Variants in MCM2 observed in about 807,000 individuals in gnomAD.
The protein encoded by MCM2 is DNA replication licensing factor MCM2.
MCM2 carries 49 observed loss-of-function variants against 86.4 expected under a neutral mutation model. That is an observed-to-expected ratio of 0.57 (90% CI 0.45 to 0.72). MCM2 has a LOEUF of 0.72. MCM2 is among the 30% of genes least tolerant of loss of function. The pLI is 0.00. For synonymous variants in MCM2, 475 were observed against 484.6 expected (o/e 0.98, Z 0.26); for missense variants, 1,038 against 1,259.9 (o/e 0.82, Z 2.67).
rs751398280 is a variant in MCM2 at position 127,621,110 on chromosome 3, A to G, written c.2486A>G (p.Asn829Ser). The change falls in exon 15 of 16, where the codon AAT becomes AGT. Residue 829 changes from asparagine to serine, a missense_variant. By Grantham distance (46) the Asn-to-Ser change is conservative. Coordinates refer to ENST00000265056, the MANE Select transcript of MCM2 (RefSeq NM_004526.4). ...ARYLSFRRDN[N>S]ELLLFILKQL... Reference sequence around the variant, plus strand: ...TACCTTTCATTCCGGCGTGACAACAATGAGCTGTTGCTCTTCATACTGAAG... The same window carrying G: ...TACCTTTCATTCCGGCGTGACAACAGTGAGCTGTTGCTCTTCATACTGAAG... 2 of 1,614,164 alleles carry G rather than the reference A, an allele frequency of 1.2e-6. No homozygotes were observed. Among genetic ancestry groups the G allele is most frequent in the Non-Finnish European group, 8.5e-7 (1 of 1,180,006 alleles).
At position 127,605,105 on chromosome 3, in the gene MCM2, G is replaced by A. The variant is rs201424836; in HGVS notation, c.622G>A (p.Asp208Asn). 34 of 1,614,024 alleles carry A rather than the reference G, an allele frequency of 2.1e-5. No homozygotes were observed. The East Asian group carries it at 5.8e-4, about 28-fold the overall frequency. ...CAAGAACTTCCTGCGCACTCACGTC[G>A]ACAGCCACGGCCACAACGTCTTCAA... ...RFKNFLRTHVDSHGHNVFKER... is the reference protein window; with the variant it reads ...RFKNFLRTHVNSHGHNVFKER... The change falls in exon 4 of 16, where the codon GAC becomes AAC. Residue 208 changes from aspartate (D) to asparagine (N), a missense_variant. Physicochemically the swap from Asp to Asn is conservative, Grantham distance 23. This residue lies in a region of MCM2 where 399 missense variants were observed against 507.2 expected (regional missense o/e 0.79). Coordinates refer to ENST00000265056, the MANE Select transcript of MCM2 (RefSeq NM_004526.4).
chr3:127,617,984 C>G lies in MCM2; in HGVS notation c.1916C>G (p.Pro639Arg). The change falls in exon 12 of 16, where the codon CCC becomes CGC. Residue 639 changes from proline (P) to arginine (R), a missense_variant. By Grantham distance (103) the Pro-to-Arg change is moderately radical (BLOSUM62 -2). Coordinates refer to ENST00000265056, the MANE Select transcript of MCM2 (RefSeq NM_004526.4). This position sits in a 1 kb window ranked among gnomAD's most constrained non-coding sequence, Gnocchi z 4.1. ...AANPIGGRYD[P>R]SLTFSENVDL... is the part of the protein sequence containing the mutation. ...TGTGTTTCAGGAGGGCGCTACGACCCCTCGCTGACTTTCTCTGAGAACGTG... is the reference window on the plus strand; with the variant it reads ...TGTGTTTCAGGAGGGCGCTACGACCGCTCGCTGACTTTCTCTGAGAACGTG... 6.2e-7 allele frequency: 1 copy of G among 1,613,906 alleles called. No homozygotes were observed. The highest frequency in any genetic ancestry group is 8.5e-7 in the Non-Finnish European group (1 of 1,179,930).
At chr3:127,621,315 A>C in intron 15 of MCM2, 87 bp downstream of exon 15, 2 of 1,527,398 alleles carry the variant, frequency 1.3e-6, no homozygotes, top group Non-Finnish European at 8.9e-7. Flanking sequence ...ATAATGGGTC[A>C]TGAAGTGGGT....
chr3:127,615,474 T>G (rs2074426055), intron 8 of MCM2, among the ~76,000 whole-genome samples: 1 of 152,192 alleles, frequency 6.6e-6, no homozygotes, highest in South Asian at 2.1e-4. Flanking sequence ...GTACCCACCC[T>G]TCTGTGAGTT....
rs772529526 is a variant in MCM2 at position 127,606,953 on chromosome 3, C to A, written c.1101+136C>A. ...AAGATAGAATTGTGTGTTGGCCACACCCTGGGGTGGACCCAGTCTGTCTGG... is the reference window on the plus strand; with the variant it reads ...AAGATAGAATTGTGTGTTGGCCACAACCTGGGGTGGACCCAGTCTGTCTGG... On this transcript the variant is annotated intron_variant, in intron 6 of 15. Transcript: ENST00000265056. The surrounding 1 kb of genome is among the most constrained non-coding windows in gnomAD (Gnocchi z 4.2). 2.4e-6 allele frequency: 2 copies of A among 839,744 alleles called. No individual in the cohort carries two copies. Among genetic ancestry groups the A allele is most frequent in the Non-Finnish European group, 3.8e-6 (2 of 525,110 alleles). The allele number at this position is 839,744 out of a possible 1,614,324, so 52.0% of individuals were successfully genotyped here. A position where few individuals can be genotyped will look rare whatever the true frequency, so the allele number is the denominator to read the frequency against.
At chr3:127,615,028 C>T (rs921298186) in intron 8 of MCM2, among the ~76,000 whole-genome samples, 5 of 152,170 alleles carry the variant, frequency 3.3e-5, no homozygotes, top group Non-Finnish European at 1.5e-5. Flanking sequence ...ATGGTGCAGG[C>T]AGGACATACA....
intron 8 of MCM2, chr3:127,611,085 C>T (rs1025581970): frequency 7.4e-6 from 3 of 406,876 alleles, no homozygotes; most frequent in African/African-American, 2.1e-5. Flanking sequence ...GTTTTACATG[C>T]GAGGAAGACA....
In MCM2 at chr3:127,617,475, G is replaced by GC; in HGVS notation, c.1900+73dup. On this transcript the variant is annotated intron_variant, in intron 11 of 15. Transcript: ENST00000265056. The surrounding 1 kb of genome is among the most constrained non-coding windows in gnomAD (Gnocchi z 4.1). ...GAGGTCCCGCCTGCTTGAATTGGGA[G>GC]CCCACGGGGTCCCCAGGAGCCGATC... is the stretch of plus-strand genomic sequence containing the variant. 6.5e-7 allele frequency: 1 copy of GC among 1,529,238 alleles called. No homozygotes were observed. The highest frequency in any genetic ancestry group is 8.8e-7 in the Non-Finnish European group (1 of 1,138,830). The allele number at this position is 1,529,238 out of a possible 1,614,324, so 94.7% of individuals were successfully genotyped here.
At position 127,622,044 on chromosome 3, in the gene MCM2, C is replaced by G; in HGVS notation, c.*271C>G. ...CCGAGTGCTTTGTCTCCACTCAGTA[C>G]CTTGGATCAGAGCTGCTGAGTTCAG... On this transcript the variant is annotated 3_prime_UTR_variant, in exon 16 of 16. Transcript: ENST00000265056. 1 of 376,266 alleles carries G rather than the reference C, an allele frequency of 2.7e-6. No homozygotes were observed. Among genetic ancestry groups the G allele is most frequent in the Admixed American group, 4.3e-5 (1 of 23,130 alleles). The allele number at this position is 376,266 out of a possible 1,614,324, so 23.3% of individuals were successfully genotyped here. A position where few individuals can be genotyped will look rare whatever the true frequency, so the allele number is the denominator to read the frequency against.
intron 6 of MCM2, among the ~76,000 whole-genome samples, chr3:127,607,739 T>C (rs1170173754): frequency 1.3e-5 from 2 of 152,206 alleles, no homozygotes; most frequent in Non-Finnish European, 2.9e-5. Context: ...CCTGGTCCTT[T>C]TTCACAGCTC....
chr3:127,605,231 G>C, intron 4 of MCM2, 75 bp downstream of exon 4: 1 of 1,554,954 alleles, frequency 6.4e-7, no homozygotes, highest in Non-Finnish European at 8.8e-7. Flanking sequence ...TGTCTGAGCC[G>C]AGTGAACACG....
Position 127,599,490 on chromosome 3 carries a change from A to C in MCM2, c.179A>C (p.Glu60Ala). Residue 60 changes from glutamate (E) to alanine (A), a missense_variant, in exon 2 of 16, where the codon GAG becomes GCG. Physicochemically the swap from Glu to Ala is moderately radical, Grantham distance 107. This residue lies in a region of MCM2 where 300 missense variants were observed against 307.4 expected (regional missense o/e 0.98). Transcript: ENST00000265056. ...GAGTCCGAGGGGCTCCTAGGCACAG[A>C]GGGGCCCCTGGAGGAAGAAGAGGAT... Reference protein sequence around the residue: ...EDESEGLLGTEGPLEEEEDGE... With the variant: ...EDESEGLLGTAGPLEEEEDGE... The C allele has an allele frequency of 6.2e-7, 1 of 1,614,064 alleles. No homozygotes were observed. Among genetic ancestry groups the C allele is most frequent in the Non-Finnish European group, 8.5e-7 (1 of 1,179,982 alleles).
chr3:127,621,220 G>A lies in MCM2; in HGVS notation c.2596G>A (p.Val866Met). Residue 866 changes from valine (V) to methionine (M), a missense_variant, in exon 15 of 16, where the codon GTG becomes ATG. By Grantham distance (21) the Val-to-Met change is conservative. Around this residue, in one of 4 missense-constraint regions of MCM2, gnomAD observed 336 missense variants for 425.7 expected, o/e 0.79. Transcript: ENST00000265056. ...TATTGAGGTCCCTGAGAAGGACTTGGTGGATAAGGTATGGGCCCGGAAGGG... is the reference window on the plus strand; with the variant it reads ...TATTGAGGTCCCTGAGAAGGACTTGATGGATAAGGTATGGGCCCGGAAGGG... ...DTIEVPEKDL[V>M]DKARQINIHN... The A allele has an allele frequency of 1.2e-6, 2 of 1,614,114 alleles. No homozygotes were observed. Among genetic ancestry groups the A allele is most frequent in the South Asian group, 1.1e-5 (1 of 91,072 alleles).
In MCM2 at chr3:127,618,672, C is replaced by CGTCA. The variant is rs1231582450; in HGVS notation, c.2014-354_2014-351dup. 6.6e-6 allele frequency among the ~76,000 whole-genome samples: 1 copy of CGTCA among 152,194 alleles called. No individual in the cohort carries two copies. The highest frequency in any genetic ancestry group is 6.5e-5 in the Admixed American group (1 of 15,288). On this transcript the variant is annotated intron_variant, in intron 12 of 15. Transcript: ENST00000265056. This position sits in a 1 kb window ranked among gnomAD's most constrained non-coding sequence, Gnocchi z 4.0. ...TGTCACATGACTTGCATCTCATTGT[C>CGTCA]GTCATCTCAGCTCCCTGTCTTTCAG...
At chr3:127,621,625 A>G in intron 15 of MCM2, 38 bp from the exon 16 acceptor site, 1 of 1,385,338 alleles carries the variant, frequency 7.2e-7, no homozygotes, top group South Asian at 1.2e-5. Context: ...GCCTGTTCTC[A>G]CACCACTGAT....
chr3:127,605,490 G>A (rs1234041993), intron 4 of MCM2, among the ~76,000 whole-genome samples: 4 of 144,302 alleles, frequency 2.8e-5, no homozygotes, highest in Non-Finnish European at 6.0e-5. Flanking sequence ...TCCCAGGCTG[G>A]AGTGCAATGG....
intron 13 of MCM2, among the ~76,000 whole-genome samples, chr3:127,619,489 G>A (rs190486822): frequency 6.6e-6 from 1 of 151,240 alleles, no homozygotes; most frequent in Admixed American, 6.6e-5. Context: ...ACGATGTCAG[G>A]AGTTTGAGAC....
At chr3:127,604,521 A>C (rs2074329959) in intron 2 of MCM2, 87 bp from the exon 3 acceptor site, 6 of 1,401,700 alleles carry the variant, frequency 4.3e-6, no homozygotes, top group Non-Finnish European at 5.9e-6. Context: ...CCTGAACCTT[A>C]GGGAACAGGC....
chr3:127,612,224 CCCTG>C (rs1307623699), intron 8 of MCM2, among the ~76,000 whole-genome samples: 2 of 152,228 alleles, frequency 1.3e-5, no homozygotes, highest in African/African-American at 4.8e-5. Context: ...AGTTTCATGG[CCCTG>C]CCTGCCTTCC....
Sources: gnomAD v4.1 joint callset for allele counts (sites outside exome capture counted in the v4.1 genomes callset) on GRCh38, gnomAD v4.1.1 for gene constraint, gnomAD v4.1.1 regional missense constraint, Gnocchi (gnomAD v3.1) non-coding constraint, MANE v1.5 for transcripts, NCBI Gene and HGNC (gene_info 2026-07-23, HGNC 2026-07-21) for gene names.